TMEM178B: variants seen among roughly 807,000 people sequenced by gnomAD.
The protein encoded by TMEM178B is transmembrane protein 178B.
Under a neutral mutation model 31.0 loss-of-function variants are expected in TMEM178B, and 5 were observed. That is an observed-to-expected ratio of 0.16 (90% CI 0.08 to 0.34). The LOEUF is 0.34. TMEM178B is among the 10% of genes least tolerant of loss of function. The probability of loss-of-function intolerance (pLI) is 1.00; values close to 1 mark genes in which losing one functional copy is unlikely to be tolerated. For missense variants in TMEM178B, 275 were observed against 400.3 expected (o/e 0.69, Z 2.67); for synonymous variants, 164 against 164.0 (o/e 1.00, Z 0.00).
intron 2 of TMEM178B, among the ~76,000 whole-genome samples, chr7:141,385,376 G>A (rs928940276): frequency 2.1e-4 from 32 of 152,124 alleles, no homozygotes; most frequent in African/African-American, 7.5e-4. Flanking sequence ...CATTCTCACG[G>A]GTAGAATGTC....
Position 141,300,564 on chromosome 7 carries a change from TGGATCCCTTCTTCTG to T in TMEM178B, c.496+87861_496+87875del, listed in dbSNP as rs1798705694. Among the ~76,000 whole-genome samples the T allele has an allele frequency of 2.0e-5, 3 of 152,224 alleles. No homozygotes were observed. In the South Asian group the frequency reaches 6.2e-4, roughly 32 times the overall value. ...CCTTTGTTTCTCCTCTCCGCGAGCT[TGGATCCCTTCTTCTG>T]CTTCTTCTCCTTCCACCTCTTAGTT... is the stretch of plus-strand genomic sequence containing the variant. On this transcript the variant is annotated intron_variant, in intron 2 of 3. Transcript: ENST00000565468.
chr7:141,485,121 CCACAGGAGAGCAGTCTTGGGTAGT>C (rs1802535060), downstream of TMEM178B, among the ~76,000 whole-genome samples: 1 of 152,134 alleles, frequency 6.6e-6, no homozygotes, highest in Non-Finnish European at 1.5e-5. Context: ...GTTTCAATCA[CCACAGGAGAGCAGTCTTGGGTAGT>C]CACAGGAGAG....
At chr7:141,127,038 A>G (rs1795509840) in intron 1 of TMEM178B, among the ~76,000 whole-genome samples, 1 of 152,146 alleles carries the variant, frequency 6.6e-6, no homozygotes, top group African/African-American at 2.4e-5. Flanking sequence ...TTCCCAGGCC[A>G]TCAGCAGTGA....
At chr7:141,187,106 A>G in intron 1 of TMEM178B, among the ~76,000 whole-genome samples, 1 of 85,030 alleles carries the variant, frequency 1.2e-5, no homozygotes, top group South Asian at 4.7e-4. Flanking sequence ...CCCACCCCAC[A>G]ACAGTCCCTG....
chr7:141,153,096 C>T (rs1209280820), intron 1 of TMEM178B, among the ~76,000 whole-genome samples: 2 of 152,114 alleles, frequency 1.3e-5, no homozygotes, highest in South Asian at 2.1e-4. Flanking sequence ...CACATGCTTT[C>T]GGTGAAAATT....
chr7:141,272,526 T>G (rs1408477957), intron 2 of TMEM178B, among the ~76,000 whole-genome samples: 1 of 152,240 alleles, frequency 6.6e-6, no homozygotes, highest in Admixed American at 6.5e-5. Flanking sequence ...CTATGCTGTT[T>G]CCCTGCCAAA....
At chr7:141,310,215 A>G (rs1384522269) in intron 2 of TMEM178B, among the ~76,000 whole-genome samples, 1 of 152,176 alleles carries the variant, frequency 6.6e-6, no homozygotes, top group Non-Finnish European at 1.5e-5. Context: ...TCTAGAATAT[A>G]CAAGAAACTT....
chr7:141,332,197 A>G (rs1799311196), intron 2 of TMEM178B, among the ~76,000 whole-genome samples: 1 of 152,372 alleles, frequency 6.6e-6, no homozygotes, highest in African/African-American at 2.4e-5. Context: ...AGTTTTGTTC[A>G]TTAATATATA....
intron 2 of TMEM178B, among the ~76,000 whole-genome samples, chr7:141,431,979 T>G (rs1463370573): frequency 2.0e-5 from 3 of 152,078 alleles, no homozygotes; most frequent in African/African-American, 7.2e-5. Flanking sequence ...CAAGTGCAAA[T>G]AAAAAGCAAC....
At chr7:141,384,377 T>C (rs1800391319) in intron 2 of TMEM178B, among the ~76,000 whole-genome samples, 2 of 152,242 alleles carry the variant, frequency 1.3e-5, no homozygotes, top group South Asian at 4.1e-4. Context: ...CTTTAATCCA[T>C]CTTGAATTAA....
At chr7:141,392,084 A>T (rs1172701589) in intron 2 of TMEM178B, among the ~76,000 whole-genome samples, 1 of 151,856 alleles carries the variant, frequency 6.6e-6, no homozygotes, top group East Asian at 1.9e-4. Flanking sequence ...AGAAACTGCC[A>T]TATTGTTTTA....
chr7:141,269,867 C>T (rs1798154283), intron 2 of TMEM178B, among the ~76,000 whole-genome samples: 1 of 152,138 alleles, frequency 6.6e-6, no homozygotes, highest in African/African-American at 2.4e-5. Flanking sequence ...GGGTTCAAGA[C>T]CAGCCTGGCC....
chr7:141,202,289 A>G (rs889734611), intron 1 of TMEM178B, among the ~76,000 whole-genome samples: 1 of 150,060 alleles, frequency 6.7e-6, no homozygotes, highest in Non-Finnish European at 1.5e-5. Flanking sequence ...CCTGATGAAT[A>G]TATAATAAAT....
chr7:141,181,826 G>A lies in TMEM178B; in HGVS notation c.383-30765G>A, dbSNP rs186323532. 2.6e-5 allele frequency among the ~76,000 whole-genome samples: 4 copies of A among 152,262 alleles called. No homozygotes were observed. In the East Asian group the frequency reaches 7.7e-4, roughly 29 times the overall value. Reference sequence around the variant, plus strand: ...CCTCCTTGGGTGCTGATCCTGTTCAGGATCCGCAATCACTTTCTTTAGAAT... The same window carrying A: ...CCTCCTTGGGTGCTGATCCTGTTCAAGATCCGCAATCACTTTCTTTAGAAT... On this transcript the variant is annotated intron_variant, in intron 1 of 3. Coordinates refer to ENST00000565468, the MANE Select transcript of TMEM178B (RefSeq NM_001195278.2).
At chr7:141,352,982 G>C (rs1212660520) in intron 2 of TMEM178B, among the ~76,000 whole-genome samples, 1 of 152,170 alleles carries the variant, frequency 6.6e-6, no homozygotes, top group Non-Finnish European at 1.5e-5. Flanking sequence ...ATTCACAGTT[G>C]TTTTCAAATT....
chr7:141,267,368 A>G (rs117315832), intron 2 of TMEM178B, among the ~76,000 whole-genome samples: 1,650 of 152,290 alleles, frequency 0.011, 14 homozygotes, highest in Non-Finnish European at 0.016. Context: ...GAGAGAACTG[A>G]AAAGAGAGGA....
At chr7:141,306,605 A>C (rs1321641497) in intron 2 of TMEM178B, among the ~76,000 whole-genome samples, 1 of 149,830 alleles carries the variant, frequency 6.7e-6, no homozygotes. Flanking sequence ...TGGAGTTTCC[A>C]TGGTTCTGAG....
chr7:141,413,535 T>G (rs1292879859), intron 2 of TMEM178B, among the ~76,000 whole-genome samples: 1 of 152,246 alleles, frequency 6.6e-6, no homozygotes, highest in African/African-American at 2.4e-5. Flanking sequence ...TTGCAAGACC[T>G]TGGATCCTTT....
intron 1 of TMEM178B, among the ~76,000 whole-genome samples, chr7:141,138,553 G>A (rs1048464881): frequency 1.3e-5 from 2 of 151,886 alleles, no homozygotes; most frequent in Admixed American, 1.3e-4. Context: ...TGGATGGGGA[G>A]TTTAATCATC....
Sources: gnomAD v4.1 joint callset for allele counts (sites outside exome capture counted in the v4.1 genomes callset) on GRCh38, gnomAD v4.1.1 for gene constraint, MANE v1.5 for transcripts, NCBI Gene and HGNC (gene_info 2026-07-23, HGNC 2026-07-21) for gene names.